The following SESTD1 variants were observed in gnomAD, a reference collection of about 807,000 sequenced individuals.
The protein encoded by SESTD1 is SEC14 domain and spectrin repeat-containing protein 1.
SESTD1 carries 43 observed loss-of-function variants against 101.7 expected under a neutral mutation model. That is an observed-to-expected ratio of 0.42 (90% CI 0.33 to 0.55). The LOEUF (loss-of-function observed/expected upper bound fraction) is 0.55, where lower values mean the gene tolerates loss of function less well. SESTD1 is among the 20% of genes least tolerant of loss of function. SESTD1 has a pLI of 0.07. For synonymous variants in SESTD1, 283 were observed against 286.8 expected (o/e 0.99, Z 0.13); for missense variants, 647 against 815.1 (o/e 0.79, Z 2.51).
intron 1 of SESTD1, among the ~76,000 whole-genome samples, chr2:179,216,035 G>C (rs1021178547): frequency 3.0e-5 from 4 of 135,148 alleles, no homozygotes; most frequent in Admixed American, 2.9e-4. Flanking sequence ...ATATCATAGT[G>C]AATGGGCAAA....
chr2:179,217,303 T>C (rs2046737169), intron 1 of SESTD1, among the ~76,000 whole-genome samples: 2 of 151,706 alleles, frequency 1.3e-5, no homozygotes, highest in East Asian at 3.9e-4. Context: ...AACAACCCCA[T>C]CAAAAAGTGG....
intron 1 of SESTD1, among the ~76,000 whole-genome samples, chr2:179,229,782 TAC>T (rs141203169): frequency 0.065 from 7,454 of 114,880 alleles, 270 homozygotes; most frequent in African/African-American, 0.1. Flanking sequence ...TATACTCAAA[TAC>T]ACACACACAC....
intron 5 of SESTD1, among the ~76,000 whole-genome samples, chr2:179,171,498 T>A (rs2105473886): frequency 1.3e-5 from 2 of 152,314 alleles, no homozygotes; most frequent in Middle Eastern, 6.8e-3. Context: ...TCTTCAAAGT[T>A]CCCACACTTT....
At chr2:179,254,035 G>C (rs1280195893) in intron 1 of SESTD1, among the ~76,000 whole-genome samples, 1 of 152,088 alleles carries the variant, frequency 6.6e-6, no homozygotes, top group Non-Finnish European at 1.5e-5. Flanking sequence ...AGAAGGTTGA[G>C]GCTGCAGAGA....
At chr2:179,158,751 T>A (rs2045677208) in intron 5 of SESTD1, among the ~76,000 whole-genome samples, 2 of 152,184 alleles carry the variant, frequency 1.3e-5, no homozygotes, top group Admixed American at 1.3e-4. Context: ...CAATCCATAT[T>A]CTTATAAAAT....
At chr2:179,122,767 GTGC>G (rs1374887697) in intron 12 of SESTD1, among the ~76,000 whole-genome samples, 1 of 152,046 alleles carries the variant, frequency 6.6e-6, no homozygotes, top group African/African-American at 2.4e-5. Context: ...GTGGTGGCAG[GTGC>G]CTGTAATCCC....
In SESTD1 at chr2:179,124,510, A is replaced by G. The variant is rs1297321928; in HGVS notation, c.1021T>C (p.Leu341=). 1 of 1,614,066 alleles carries G rather than the reference A, an allele frequency of 6.2e-7. No homozygotes were observed. Among genetic ancestry groups the G allele is most frequent in the South Asian group, 1.1e-5 (1 of 91,070 alleles). Residue 341 remains leucine, a synonymous_variant, in exon 11 of 18, where the codon TTG becomes CTG. Coordinates refer to ENST00000428443, the MANE Select transcript of SESTD1 (RefSeq NM_178123.5). ...AGATCTTCCTCATCGCCAGCATTCAAGAGTGCTGCAATTTGCTGATTAAGT... is the reference window on the plus strand; with the variant it reads ...AGATCTTCCTCATCGCCAGCATTCAGGAGTGCTGCAATTTGCTGATTAAGT... ...VELNQQIAAL[L]NAGDEEDLVE...
intron 2 of SESTD1, among the ~76,000 whole-genome samples, chr2:179,183,640 T>C (rs1161047874): frequency 6.6e-6 from 1 of 152,006 alleles, no homozygotes; most frequent in African/African-American, 2.4e-5. Flanking sequence ...GATTAAGAGC[T>C]GCAGTAAATG....
intron 1 of SESTD1, among the ~76,000 whole-genome samples, chr2:179,233,804 A>G (rs1404107483): frequency 6.6e-6 from 1 of 152,106 alleles, no homozygotes; most frequent in African/African-American, 2.4e-5. Context: ...GCATGCATGC[A>G]TGCGTGTGTG....
chr2:179,111,253 T>G (rs945063482), intron 17 of SESTD1, among the ~76,000 whole-genome samples: 9 of 152,242 alleles, frequency 5.9e-5, no homozygotes, highest in African/African-American at 2.2e-4. Flanking sequence ...GGGCTTGAGA[T>G]AACGTAAGTA....
chr2:179,123,655 T>C (rs1246341249), intron 12 of SESTD1, 60 bp downstream of exon 12: 1 of 1,075,636 alleles, frequency 9.3e-7, no homozygotes, highest in African/African-American at 1.9e-5. Flanking sequence ...TGTCTAACCA[T>C]GGTAATGATA....
chr2:179,105,494 C>G lies in SESTD1; in HGVS notation c.*4405G>C, dbSNP rs979015323. ...CAGTGTGTAATTCTGAAGATGCATT[C>G]TGATACACTAGTGAACTGGGGGTGA... On this transcript the variant is annotated 3_prime_UTR_variant, in exon 18 of 18. Coordinates refer to ENST00000428443, the MANE Select transcript of SESTD1 (RefSeq NM_178123.5). The G allele has an allele frequency of 6.6e-6, 1 of 151,852 alleles. No homozygotes were observed. The allele number at this position is 151,852 out of a possible 1,614,324, so 9.4% of individuals were successfully genotyped here.
At chr2:179,125,244 C>A (rs1341346368) in intron 10 of SESTD1, among the ~76,000 whole-genome samples, 2 of 152,180 alleles carry the variant, frequency 1.3e-5, no homozygotes, top group Non-Finnish European at 2.9e-5. Context: ...CTCTCCCATT[C>A]ACCTCTGTTT....
intron 4 of SESTD1, among the ~76,000 whole-genome samples, chr2:179,172,764 G>A (rs143903197): frequency 1.3e-5 from 2 of 152,174 alleles, no homozygotes; most frequent in African/African-American, 4.8e-5. Context: ...TACTTGATAT[G>A]GTTACTTATA....
chr2:179,148,626 A>G (rs772374874), intron 7 of SESTD1, among the ~76,000 whole-genome samples: 18 of 152,256 alleles, frequency 1.2e-4, no homozygotes, highest in Non-Finnish European at 2.1e-4. Context: ...GGTTATAATA[A>G]TTGTATTTCA....
chr2:179,226,783 C>T (rs1345845674), intron 1 of SESTD1, among the ~76,000 whole-genome samples: 1 of 152,110 alleles, frequency 6.6e-6, no homozygotes, highest in Non-Finnish European at 1.5e-5. Flanking sequence ...TAGATGTTGG[C>T]TATGTCATTT....
At chr2:179,180,616 T>C (rs2046092115) in intron 3 of SESTD1, among the ~76,000 whole-genome samples, 1 of 152,186 alleles carries the variant, frequency 6.6e-6, no homozygotes, top group Non-Finnish European at 1.5e-5. Context: ...AGTACATTAT[T>C]AGTTTTAGAT....
intron 1 of SESTD1, among the ~76,000 whole-genome samples, chr2:179,224,723 G>C (rs559521455): frequency 1.6e-4 from 24 of 152,170 alleles, no homozygotes; most frequent in African/African-American, 5.5e-4. Context: ...TTATATAATG[G>C]AACCTCCACA....
intron 1 of SESTD1, among the ~76,000 whole-genome samples, chr2:179,204,036 G>A (rs907463105): frequency 7.4e-6 from 1 of 135,048 alleles, no homozygotes; most frequent in Non-Finnish European, 1.6e-5. Context: ...GTGGTATCTG[G>A]AGAGCTGGAG....
Sources: allele counts gnomAD v4.1 joint callset (sites outside exome capture counted in the v4.1 genomes callset), GRCh38; gene constraint gnomAD v4.1.1; transcripts MANE v1.5; gene names NCBI Gene and HGNC (gene_info 2026-07-23, HGNC 2026-07-21).